Variants in GPD2 observed in about 807,000 individuals in gnomAD.
The protein encoded by GPD2 is glycerol-3-phosphate dehydrogenase 2, also known as glycerol-3-phosphate dehydrogenase, mitochondrial.
GPD2 carries 54 observed loss-of-function variants against 82.4 expected under a neutral mutation model. The ratio of observed to expected loss-of-function variants is 0.66; its 90% CI spans 0.53 to 0.82. The LOEUF is 0.82. Among genes scored for constraint, GPD2 ranks in the 40% least tolerant of loss-of-function variants. The probability of loss-of-function intolerance (pLI) is 0.00; values close to 1 mark genes in which losing one functional copy is unlikely to be tolerated. For synonymous variants in GPD2, 288 were observed against 306.1 expected, an observed-to-expected ratio of 0.94 and a Z score of 0.62; for missense variants, 748 against 896.2, an observed-to-expected ratio of 0.83 and a Z score of 2.11.
At chr2:156,419,497 G>A in the GPD2 span, among the ~76,000 whole-genome samples, 4 of 152,232 alleles carry the variant, frequency 2.6e-5, no homozygotes, top group Admixed American at 6.5e-5. Flanking sequence ...TGTTGTTGAT[G>A]TTGTTTCTGG....
At chr2:156,510,329 AC>A (rs1684950520) in intron 3 of GPD2, among the ~76,000 whole-genome samples, 1 of 152,154 alleles carries the variant, frequency 6.6e-6, no homozygotes, top group Non-Finnish European at 1.5e-5. Flanking sequence ...AGAAGTCAAC[AC>A]ACAGAAGGAA....
intron 2 of GPD2, among the ~76,000 whole-genome samples, chr2:156,484,296 C>T (rs1195845115): frequency 6.6e-6 from 1 of 151,770 alleles, no homozygotes; most frequent in Non-Finnish European, 1.5e-5. Context: ...CCACCACGGC[C>T]GGCTAATTTT....
At chr2:156,431,885 CTTTTT>C (rs34394250), upstream of GPD2, among the ~76,000 whole-genome samples, 1 of 119,956 alleles carries the variant, frequency 8.3e-6, no homozygotes. Flanking sequence ...TCTGTGAAAT[CTTTTT>C]TTTTTTTTTT....
At chr2:156,536,219 T>C (rs926789961) in intron 6 of GPD2, among the ~76,000 whole-genome samples, 1 of 152,214 alleles carries the variant, frequency 6.6e-6, no homozygotes, top group Non-Finnish European at 1.5e-5. Context: ...AAAAGCATCT[T>C]TGTGTAGTGC....
At chr2:156,492,238 C>T (rs367834634) in intron 2 of GPD2, among the ~76,000 whole-genome samples, 76 of 136,946 alleles carry the variant, frequency 5.5e-4, no homozygotes, top group African/African-American at 1.8e-3. Context: ...ACTGCAGCCT[C>T]CTTCTCCTGG....
intron 3 of GPD2, among the ~76,000 whole-genome samples, chr2:156,499,432 C>T (rs1274660428): frequency 6.6e-6 from 1 of 151,994 alleles, no homozygotes; most frequent in African/African-American, 2.4e-5. Flanking sequence ...AGGCCTGGAG[C>T]TGATAAGGGG....
At chr2:156,500,425 T>C (rs912705714) in intron 3 of GPD2, among the ~76,000 whole-genome samples, 1 of 152,202 alleles carries the variant, frequency 6.6e-6, no homozygotes. Context: ...TGTGCATTGT[T>C]GCTGTTCATT....
At chr2:156,576,780 C>A (rs1341091374) in intron 13 of GPD2, among the ~76,000 whole-genome samples, 1 of 152,160 alleles carries the variant, frequency 6.6e-6, no homozygotes, top group African/African-American at 2.4e-5. Context: ...ATAAATTACA[C>A]ATGCAATGAA....
At chr2:156,568,775 C>T in intron 9 of GPD2, 50 bp from the exon 10 acceptor site, 2 of 1,521,102 alleles carry the variant, frequency 1.3e-6, no homozygotes, top group Non-Finnish European at 1.8e-6. Context: ...ATATTTTTAT[C>T]AAAATATTTT....
At chr2:156,522,021 A>G (rs297597) in intron 6 of GPD2, among the ~76,000 whole-genome samples, 97,511 of 151,850 alleles carry the variant, frequency 0.64, 32,171 homozygotes, top group East Asian at 0.8. Context: ...TCTGGATACC[A>G]GCTAATGCTA....
intron 1 of GPD2, among the ~76,000 whole-genome samples, chr2:156,467,452 T>C (rs1227774563): frequency 1.3e-5 from 2 of 152,244 alleles, no homozygotes; most frequent in Non-Finnish European, 2.9e-5. Context: ...GGATAATGCT[T>C]TTCTCAGTGA....
chr2:156,445,512 G>A (rs1314233470), intron 1 of GPD2, among the ~76,000 whole-genome samples: 1 of 152,168 alleles, frequency 6.6e-6, no homozygotes, highest in Non-Finnish European at 1.5e-5. Flanking sequence ...ACATAGCACA[G>A]CATGCCTATA....
chr2:156,575,397 CTTTTCT>C (rs984706477), intron 13 of GPD2, among the ~76,000 whole-genome samples: 5 of 111,016 alleles, frequency 4.5e-5, no homozygotes, highest in African/African-American at 1.7e-4. Flanking sequence ...CTTTTCTTTT[CTTTTCT>C]TTTTTTTTTT....
chr2:156,504,145 T>A (rs1438172815), intron 3 of GPD2, among the ~76,000 whole-genome samples: 1 of 152,054 alleles, frequency 6.6e-6, no homozygotes, highest in Non-Finnish European at 1.5e-5. Context: ...CTCAATATCA[T>A]ATATTTATAT....
chr2:156,543,918 G>T (rs1029512720), intron 6 of GPD2, among the ~76,000 whole-genome samples: 1 of 152,126 alleles, frequency 6.6e-6, no homozygotes, highest in African/African-American at 2.4e-5. Flanking sequence ...ATAGAAAAAA[G>T]AATTGAGTTC....
At chr2:156,576,288 C>T (rs76233796) in intron 13 of GPD2, among the ~76,000 whole-genome samples, 295 of 152,234 alleles carry the variant, frequency 1.9e-3, no homozygotes, top group African/African-American at 6.8e-3. Flanking sequence ...ATCTCTGTTG[C>T]AGTGTTGTAT....
At chr2:156,445,493 T>C (rs190407324) in intron 1 of GPD2, among the ~76,000 whole-genome samples, 5 of 152,366 alleles carry the variant, frequency 3.3e-5, no homozygotes, top group Admixed American at 2.6e-4. Flanking sequence ...CTTGTTTAAA[T>C]AGTTGCATAC....
At chr2:156,420,033 T>C in the GPD2 span, among the ~76,000 whole-genome samples, 1 of 152,238 alleles carries the variant, frequency 6.6e-6, no homozygotes, top group Non-Finnish European at 1.5e-5. Context: ...AATCCTACTA[T>C]ACCTATCTGA....
At chr2:156,567,574 C>G (rs77987507) in intron 9 of GPD2, among the ~76,000 whole-genome samples, 1 of 152,020 alleles carries the variant, frequency 6.6e-6, no homozygotes, top group Admixed American at 6.6e-5. Flanking sequence ...TGTTATCCAG[C>G]GATGGATTAG....
Sources: allele counts gnomAD v4.1 joint callset (sites outside exome capture counted in the v4.1 genomes callset), GRCh38; gene constraint gnomAD v4.1.1; transcripts MANE v1.5; gene names NCBI Gene and HGNC (gene_info 2026-07-23, HGNC 2026-07-21).